The following OCA2 variants were observed in gnomAD, a reference collection of about 807,000 sequenced individuals.
OCA2 encodes OCA2 melanosomal transmembrane protein.
In OCA2, 77 loss-of-function variants were observed where a neutral mutation model predicts 100.2. The ratio of observed to expected loss-of-function variants is 0.77; its 90% CI spans 0.64 to 0.93. The LOEUF (loss-of-function observed/expected upper bound fraction) is 0.93, where lower values mean the gene tolerates loss of function less well. Among genes scored for constraint, OCA2 ranks in the 40% least tolerant of loss-of-function variants. The pLI is 0.00. For missense variants in OCA2, 1,062 were observed against 1,089.1 expected (o/e 0.98, Z 0.35); for synonymous variants, 432 against 439.2 (o/e 0.98, Z 0.21).
At chr15:27,728,752 T>C in the OCA2 span, among the ~76,000 whole-genome samples, 2 of 152,326 alleles carry the variant, frequency 1.3e-5, no homozygotes, top group South Asian at 4.1e-4. Flanking sequence ...TCCCTTTCTT[T>C]ACCCCGTCAA....
chr15:27,846,692 T>C (rs1004964000), intron 22 of OCA2, among the ~76,000 whole-genome samples: 2 of 152,162 alleles, frequency 1.3e-5, no homozygotes, highest in African/African-American at 4.8e-5. Context: ...GATCTTTCCA[T>C]TTCCTTTTGT....
intron 23 of OCA2, among the ~76,000 whole-genome samples, chr15:27,824,094 G>A (rs1369133923): frequency 2.6e-5 from 4 of 152,178 alleles, no homozygotes; most frequent in African/African-American, 4.8e-5. Context: ...TTGGCCAGGC[G>A]CGGTGGCTCA....
chr15:28,084,750 G>C (rs1160590268), intron 1 of OCA2, among the ~76,000 whole-genome samples: 1 of 152,196 alleles, frequency 6.6e-6, no homozygotes, highest in Non-Finnish European at 1.5e-5. Flanking sequence ...CTGTGGGCCA[G>C]CAAGAAGTTT....
At chr15:27,837,572 A>G (rs1465395025) in intron 23 of OCA2, among the ~76,000 whole-genome samples, 1 of 152,188 alleles carries the variant, frequency 6.6e-6, no homozygotes, top group African/African-American at 2.4e-5. Flanking sequence ...TGAAAAAGAG[A>G]AGAAAGAAAT....
chr15:27,854,346 C>T (rs1037352730), intron 21 of OCA2, among the ~76,000 whole-genome samples: 1 of 152,206 alleles, frequency 6.6e-6, no homozygotes, highest in African/African-American at 2.4e-5. Context: ...CATGTGCCTG[C>T]TACTGCACAT....
intron 23 of OCA2, among the ~76,000 whole-genome samples, chr15:27,832,114 CA>C (rs1265149582): frequency 6.6e-6 from 1 of 152,210 alleles, no homozygotes; most frequent in Admixed American, 6.5e-5. Flanking sequence ...GGAACATACT[CA>C]AGACCAAACT....
Position 27,893,898 on chromosome 15 carries a change from A to T in OCA2, c.2080-21976T>A, listed in dbSNP as rs1042085954. 3.3e-5 allele frequency among the ~76,000 whole-genome samples: 5 copies of T among 152,072 alleles called. No homozygotes were observed. The South Asian group carries it at 1.0e-3, about 32-fold the overall frequency. On this transcript the variant is annotated intron_variant, in intron 19 of 23. Transcript: ENST00000354638. ...CTTTTGCCCTTTGTTCTGTTCCCTC[A>T]GAAGCATGTGATCTTTGTTAGACCC...
chr15:27,902,397 T>C (rs773697067), intron 19 of OCA2, among the ~76,000 whole-genome samples: 3 of 152,252 alleles, frequency 2.0e-5, no homozygotes, highest in Non-Finnish European at 4.4e-5. Flanking sequence ...AACTTATTCG[T>C]ATCATAATTA....
intron 3 of OCA2, among the ~76,000 whole-genome samples, chr15:28,029,723 C>T (rs1005632686): frequency 6.7e-6 from 1 of 149,384 alleles, no homozygotes; most frequent in East Asian, 1.9e-4. Flanking sequence ...AAGAATACTT[C>T]TGAAAATATA....
chr15:28,025,009 T>C, intron 4 of OCA2, 107 bp from the exon 5 acceptor site: 1 of 1,023,440 alleles, frequency 9.8e-7, no homozygotes, highest in African/African-American at 1.6e-5. Context: ...AGCATGTGTT[T>C]TGAATTCTTT....
At chr15:27,887,564 A>T (rs2037277121) in intron 19 of OCA2, among the ~76,000 whole-genome samples, 1 of 150,388 alleles carries the variant, frequency 6.6e-6, no homozygotes. Flanking sequence ...CACCCAGGTC[A>T]AGAGCCATGT....
chr15:27,900,428 G>A (rs1230705061), intron 19 of OCA2, among the ~76,000 whole-genome samples: 4 of 152,074 alleles, frequency 2.6e-5, no homozygotes, highest in South Asian at 2.1e-4. Flanking sequence ...CCTTATGAGC[G>A]GCCCGTCCTG....
chr15:28,074,840 G>A (rs532264574), intron 2 of OCA2, among the ~76,000 whole-genome samples: 11 of 152,260 alleles, frequency 7.2e-5, no homozygotes, highest in African/African-American at 2.2e-4. Flanking sequence ...GCGAGACTCC[G>A]TCTCAAAAAA....
chr15:28,013,498 G>A (rs1490129683), intron 9 of OCA2, among the ~76,000 whole-genome samples: 2 of 152,150 alleles, frequency 1.3e-5, no homozygotes, highest in Admixed American at 6.5e-5. Context: ...TTTATAAATG[G>A]TGCGCACCTG....
chr15:27,964,903 C>T (rs997113656), intron 15 of OCA2, among the ~76,000 whole-genome samples: 1 of 152,176 alleles, frequency 6.6e-6, no homozygotes, highest in Non-Finnish European at 1.5e-5. Context: ...CATCACTCCC[C>T]ACTTCCCTCG....
intron 23 of OCA2, 123 bp from the exon 24 acceptor site, chr15:27,755,595 T>C (rs187972612): frequency 1.4e-6 from 1 of 737,666 alleles, no homozygotes; most frequent in East Asian, 2.6e-5. Flanking sequence ...CCACTACCTT[T>C]TATTTCCATA....
chr15:27,793,675 C>A (rs2033190524), intron 23 of OCA2, among the ~76,000 whole-genome samples: 1 of 152,234 alleles, frequency 6.6e-6, no homozygotes, highest in Non-Finnish European at 1.5e-5. Flanking sequence ...TTTCACTCAA[C>A]CTCAGGACCC....
rs2042627652 is a variant in OCA2 at position 28,022,561 on chromosome 15, G to A, written c.586C>T (p.Leu196=). ...FVVLCSILFS[L]YPDQGKLWQL... ...CAGAGCTTTCCTTGATCCGGATATA[G>A]GCTGAACAAAATCTGTAACAATCAG... The change falls in exon 6 of 24, where the codon CTA becomes TTA. Residue 196 remains leucine (L), a synonymous_variant. Coordinates refer to ENST00000354638, the MANE Select transcript of OCA2 (RefSeq NM_000275.3). 6.2e-7 allele frequency: 1 copy of A among 1,613,518 alleles called. No homozygotes were observed. The highest frequency in any genetic ancestry group is 2.2e-5 in the East Asian group (1 of 44,882).
intron 7 of OCA2, among the ~76,000 whole-genome samples, chr15:28,016,980 A>G (rs114116020): frequency 0.014 from 2,056 of 145,392 alleles, 44 homozygotes; most frequent in African/African-American, 0.049. Context: ...GAAGGGCCCC[A>G]GAGTGAAGCT....
Sources: gnomAD v4.1 joint callset for allele counts (sites outside exome capture counted in the v4.1 genomes callset) on GRCh38, gnomAD v4.1.1 for gene constraint, MANE v1.5 for transcripts, NCBI Gene and HGNC (gene_info 2026-07-23, HGNC 2026-07-21) for gene names.